Variants in ASH1L observed in about 807,000 individuals in gnomAD.
The protein encoded by ASH1L is ASH1 like histone lysine methyltransferase.
In ASH1L, 23 loss-of-function variants were observed where a neutral mutation model predicts 269.0. That is an observed-to-expected ratio of 0.09 (90% CI 0.06 to 0.12). The LOEUF is 0.12. Ranked by LOEUF, ASH1L falls within the 10% of genes least tolerant of loss-of-function variation. The pLI is 1.00. For missense variants in ASH1L, 2,912 were observed against 3,567.8 expected (o/e 0.82, Z 4.68); for synonymous variants, 1,187 against 1,253.5 (o/e 0.95, Z 1.12).
intron 4 of ASH1L, among the ~76,000 whole-genome samples, chr1:155,458,858 C>T (rs143036705): frequency 3.3e-5 from 5 of 151,934 alleles, no homozygotes; most frequent in African/African-American, 7.3e-5. Context: ...TATCACTCTC[C>T]ATCTCTCTCA....
chr1:155,527,393 G>A (rs1163099316), intron 1 of ASH1L, among the ~76,000 whole-genome samples: 3 of 152,002 alleles, frequency 2.0e-5, no homozygotes, highest in Admixed American at 6.6e-5. Flanking sequence ...CATAGAAACT[G>A]CTAGTCAAGG....
At position 155,411,586 on chromosome 1, in the gene ASH1L, A is replaced by AATAAATATAT. The variant is rs1297131961; in HGVS notation, c.6008+4157_6008+4158insATATATTTAT. 7.7e-3 allele frequency among the ~76,000 whole-genome samples: 424 copies of AATAAATATAT among 55,052 alleles called. 6 individuals are homozygous for AATAAATATAT. The highest frequency in any genetic ancestry group is 0.029 in the African/African-American group (366 of 12,564). The allele number at this position is 55,052 out of a possible 152,430, so 36.1% of individuals were successfully genotyped here. A position where few individuals can be genotyped will look rare whatever the true frequency, so the allele number is the denominator to read the frequency against. On this transcript the variant is annotated intron_variant, in intron 6 of 27. Coordinates refer to ENST00000392403, the MANE Select transcript of ASH1L (RefSeq NM_018489.3). Reference sequence around the variant, plus strand: ...AAATATGAATATAAATAAATAAATAAATATATATATATATATATATATATA... The same window carrying AATAAATATAT: ...AAATATGAATATAAATAAATAAATAAATAAATATATATATATATATATATATATATATATA...
chr1:155,532,687 G>A (rs1669749704), intron 1 of ASH1L, among the ~76,000 whole-genome samples: 1 of 151,788 alleles, frequency 6.6e-6, no homozygotes, highest in East Asian at 1.9e-4. Flanking sequence ...GCCAGGTGTG[G>A]TGGCAGGTGC....
chr1:155,402,856 G>C (rs1263653216), intron 6 of ASH1L, among the ~76,000 whole-genome samples: 1 of 145,876 alleles, frequency 6.9e-6, no homozygotes, highest in Admixed American at 6.8e-5. Context: ...ACCCAGCCAA[G>C]TTATACTTTT....
chr1:155,493,951 TA>T (rs1324751410), intron 2 of ASH1L, among the ~76,000 whole-genome samples: 3 of 151,380 alleles, frequency 2.0e-5, no homozygotes, highest in East Asian at 3.9e-4. Flanking sequence ...TAACAGCAGT[TA>T]AAAAAAAATC....
In ASH1L at chr1:155,338,251, G is replaced by A. The variant is rs190341782; in HGVS notation, c.8641C>T (p.Arg2881Trp). 2.3e-5 allele frequency: 37 copies of A among 1,613,674 alleles called. No homozygotes were observed. The East Asian group carries it at 3.6e-4, about 16-fold the overall frequency. The change falls in exon 27 of 28, where the codon CGG becomes TGG. Residue 2881 changes from arginine to tryptophan, a missense_variant. Arg to Trp is a moderately radical substitution (Grantham distance 101, BLOSUM62 -3). Around this residue, in one of 13 missense-constraint regions of ASH1L, gnomAD observed 154 missense variants for 165.0 expected, o/e 0.93. Coordinates refer to ENST00000392403, the MANE Select transcript of ASH1L (RefSeq NM_018489.3). The part of the protein sequence containing the change: ...NEIPSLEEPE[R>W]EGATANVSEG... ...CTGACGTTAGCAGTGGCCCCTTCCCGTTCTGGCTCCTCCAGGCTGGGTATC... is the reference window on the plus strand; with the variant it reads ...CTGACGTTAGCAGTGGCCCCTTCCCATTCTGGCTCCTCCAGGCTGGGTATC...
In ASH1L at chr1:155,439,079, C is replaced by T; in HGVS notation, c.5087-11G>A. On this transcript the variant is annotated splice_polypyrimidine_tract_variant and intron_variant, in intron 4 of 27. Coordinates refer to ENST00000392403, the MANE Select transcript of ASH1L (RefSeq NM_018489.3). ...AGGGAACTCCGTTTACTGAAAGAGACAATAAATCACACATAGACAAAATTG... is the reference window on the plus strand; with the variant it reads ...AGGGAACTCCGTTTACTGAAAGAGATAATAAATCACACATAGACAAAATTG... 1 of 1,585,376 alleles carries T rather than the reference C, an allele frequency of 6.3e-7. No homozygotes were observed.
intron 1 of ASH1L, among the ~76,000 whole-genome samples, chr1:155,527,050 T>C (rs933317504): frequency 6.6e-6 from 1 of 151,980 alleles, no homozygotes; most frequent in African/African-American, 2.4e-5. Flanking sequence ...CTACCAAAAA[T>C]ATAAGAAATT....
chr1:155,465,334 G>A (rs112821708), intron 3 of ASH1L, among the ~76,000 whole-genome samples: 1 of 147,190 alleles, frequency 6.8e-6, no homozygotes, highest in African/African-American at 2.5e-5. Context: ...ATCAATAGTT[G>A]GTTGGACAAA....
At chr1:155,532,839 TTA>T (rs940442958) in intron 1 of ASH1L, among the ~76,000 whole-genome samples, 13 of 143,342 alleles carry the variant, frequency 9.1e-5, no homozygotes, top group African/African-American at 1.0e-4. Context: ...AAAAAAAAAA[TTA>T]TATATATATA....
At chr1:155,474,750 A>C (rs999929872) in intron 3 of ASH1L, among the ~76,000 whole-genome samples, 1 of 152,080 alleles carries the variant, frequency 6.6e-6, no homozygotes, top group Non-Finnish European at 1.5e-5. Flanking sequence ...TGCTCCTCCT[A>C]TAGTCTTCTC....
chr1:155,456,682 G>C (rs138835902), intron 4 of ASH1L, among the ~76,000 whole-genome samples: 1 of 152,086 alleles, frequency 6.6e-6, no homozygotes. Context: ...ATAAACCACT[G>C]CTTCTAACGG....
At chr1:155,347,190 G>C (rs1435877505) in intron 20 of ASH1L, among the ~76,000 whole-genome samples, 2 of 152,182 alleles carry the variant, frequency 1.3e-5, no homozygotes, top group African/African-American at 4.8e-5. Flanking sequence ...CTTGAGCTCA[G>C]GAGTTCAAGA....
intron 25 of ASH1L, among the ~76,000 whole-genome samples, chr1:155,341,207 C>T (rs1230630554): frequency 3.4e-5 from 5 of 146,558 alleles, no homozygotes; most frequent in African/African-American, 7.6e-5. Context: ...GACGGAGTCT[C>T]GCTCTGTCAC....
chr1:155,493,037 G>T (rs766305079), intron 2 of ASH1L, among the ~76,000 whole-genome samples: 9 of 151,996 alleles, frequency 5.9e-5, no homozygotes, highest in Non-Finnish European at 1.0e-4. Context: ...GGCTGGTCTC[G>T]AACTCCTGAG....
chr1:155,460,335 C>T (rs779226715), intron 3 of ASH1L, among the ~76,000 whole-genome samples: 1 of 152,148 alleles, frequency 6.6e-6, no homozygotes, highest in African/African-American at 2.4e-5. Flanking sequence ...GAGGGCCCAG[C>T]GCAGTGGCTC....
At chr1:155,490,321 G>A (rs1389379447) in intron 2 of ASH1L, among the ~76,000 whole-genome samples, 1 of 151,570 alleles carries the variant, frequency 6.6e-6, no homozygotes, top group African/African-American at 2.4e-5. Context: ...CTTATATAAA[G>A]ACATCCAGGG....
At position 155,434,397 on chromosome 1, in the gene ASH1L, G is replaced by C. The variant is rs937652430; in HGVS notation, c.5828+3930C>G. The C allele has an allele frequency of 6.2e-6, 8 of 1,292,846 alleles. No homozygotes were observed. The African/African-American group carries it at 1.2e-4, about 19-fold the overall frequency. The allele number at this position is 1,292,846 out of a possible 1,614,324, so 80.1% of individuals were successfully genotyped here. ...AGGAATTGGGAACACAAAGGGTGGG[G>C]GCAGGGGAGTTTGGGGCAACTGGTT... On this transcript the variant is annotated intron_variant, in intron 5 of 27. Transcript: ENST00000392403.
intron 2 of ASH1L, among the ~76,000 whole-genome samples, chr1:155,503,809 C>T (rs1353557094): frequency 6.6e-6 from 1 of 152,190 alleles, no homozygotes; most frequent in Non-Finnish European, 1.5e-5. Flanking sequence ...ACTGCAGCCT[C>T]GACCTCCTGT....
Sources: allele counts gnomAD v4.1 joint callset (sites outside exome capture counted in the v4.1 genomes callset), GRCh38; gene constraint gnomAD v4.1.1; regional missense constraint gnomAD v4.1.1; transcripts MANE v1.5; gene names NCBI Gene and HGNC (gene_info 2026-07-23, HGNC 2026-07-21).